RABGAP1L: variants seen among roughly 807,000 people sequenced by gnomAD.
RABGAP1L encodes the protein RAB GTPase activating protein 1 like, also known as rab GTPase-activating protein 1-like.
In RABGAP1L, 63 loss-of-function variants were observed where a neutral mutation model predicts 137.7. The observed-to-expected ratio is 0.46, with a 90% CI of 0.37 to 0.56. RABGAP1L has a LOEUF of 0.56. Among genes scored for constraint, RABGAP1L ranks in the 20% least tolerant of loss-of-function variants. RABGAP1L has a pLI of 0.00. For synonymous variants in RABGAP1L, 431 were observed against 433.7 expected (o/e 0.99, Z 0.08); for missense variants, 1,095 against 1,244.0 (o/e 0.88, Z 1.80).
intron 10 of RABGAP1L, among the ~76,000 whole-genome samples, chr1:174,279,890 A>T (rs909786714): frequency 1.3e-5 from 2 of 152,142 alleles, no homozygotes; most frequent in Non-Finnish European, 2.9e-5. Context: ...CCAAAGAATT[A>T]TTCATAGTTG....
intron 20 of RABGAP1L, among the ~76,000 whole-genome samples, chr1:174,966,638 T>C (rs1035576769): frequency 3.3e-5 from 5 of 152,224 alleles, no homozygotes; most frequent in Non-Finnish European, 5.9e-5. Context: ...TTTTTTAGTC[T>C]CCACATTTAT....
intron 7 of RABGAP1L, among the ~76,000 whole-genome samples, chr1:174,264,700 A>C (rs1571839378): frequency 6.6e-6 from 1 of 152,140 alleles, no homozygotes; most frequent in Non-Finnish European, 1.5e-5. Context: ...CTCACTCTAC[A>C]TCTAATTCTT....
At chr1:174,723,598 T>C (rs1329088118) in intron 17 of RABGAP1L, among the ~76,000 whole-genome samples, 1 of 152,208 alleles carries the variant, frequency 6.6e-6, no homozygotes. Flanking sequence ...TCGACACATG[T>C]ATTCAGTGTG....
intron 11 of RABGAP1L, among the ~76,000 whole-genome samples, chr1:174,337,794 G>T (rs1681613917): frequency 1.3e-5 from 2 of 152,246 alleles, no homozygotes; most frequent in African/African-American, 4.8e-5. Context: ...TGCCCTGGAA[G>T]AGGCTATATT....
In RABGAP1L at chr1:174,635,866, C is replaced by T. The variant is rs1172832619; in HGVS notation, c.1711-1509C>T. ...TACCTTAGAGCTAATCAACCACCCC[C>T]TTCTTGTATACTTCGCAGCTATCAA... On this transcript the variant is annotated intron_variant, in intron 13 of 25. Coordinates refer to ENST00000681986, the MANE Select transcript of RABGAP1L (RefSeq NM_001366446.1). Among the ~76,000 whole-genome samples, 3 of 152,246 alleles carry T rather than the reference C, an allele frequency of 2.0e-5. No homozygotes were observed. The East Asian group carries it at 5.8e-4, about 29-fold the overall frequency.
intron 19 of RABGAP1L, among the ~76,000 whole-genome samples, chr1:174,892,896 AT>A (rs748971722): frequency 0.2 from 18,427 of 92,146 alleles, 952 homozygotes; most frequent in African/African-American, 0.36. Context: ...CACCCAGCTA[AT>A]TTTTTTTTTT....
chr1:174,739,842 G>A (rs1315922167), intron 17 of RABGAP1L, among the ~76,000 whole-genome samples: 1 of 152,202 alleles, frequency 6.6e-6, no homozygotes, highest in African/African-American at 2.4e-5. Flanking sequence ...ATACTCAAAA[G>A]TGCTTTGCAG....
rs149810986 is a variant in RABGAP1L, at chr1:174,585,502, C to T, written c.1711-51873C>T. On this transcript the variant is annotated intron_variant, in intron 13 of 25. Transcript: ENST00000681986. ...GGGGTGGGACACCAGACTGGTAGGG[C>T]CCAGATCCAGTAGATTTGCTGAGGA... is the stretch of plus-strand genomic sequence containing the variant. Among the ~76,000 whole-genome samples the T allele has an allele frequency of 2.6e-5, 4 of 152,258 alleles. No homozygotes were observed. In the East Asian group the frequency reaches 7.7e-4, roughly 29 times the overall value.
intron 7 of RABGAP1L, among the ~76,000 whole-genome samples, chr1:174,258,670 C>T (rs1673320338): frequency 6.6e-6 from 1 of 152,134 alleles, no homozygotes; most frequent in East Asian, 1.9e-4. Context: ...GAAAGAAAAT[C>T]CTTCAAATTA....
At chr1:174,162,769 CTCTTTCTG>C (rs1664583138) in intron 1 of RABGAP1L, among the ~76,000 whole-genome samples, 1 of 45,304 alleles carries the variant, frequency 2.2e-5, no homozygotes, top group African/African-American at 8.3e-5. Flanking sequence ...TTTTTTTTTT[CTCTTTCTG>C]TTTTTTTTTT....
intron 3 of RABGAP1L, among the ~76,000 whole-genome samples, chr1:174,230,381 AAAACTT>A: frequency 6.6e-6 from 1 of 152,310 alleles, no homozygotes; most frequent in African/African-American, 2.4e-5. Flanking sequence ...CTTGTACCCT[AAAACTT>A]AAAGTATAGT....
intron 13 of RABGAP1L, among the ~76,000 whole-genome samples, chr1:174,597,683 C>A (rs761821183): frequency 9.2e-5 from 14 of 151,780 alleles, no homozygotes; most frequent in Non-Finnish European, 1.8e-4. Flanking sequence ...AAAAACTAAC[C>A]TTTTGTTAAT....
At chr1:174,394,224 C>A in intron 13 of RABGAP1L, 79 bp downstream of exon 13, 2 of 1,504,870 alleles carry the variant, frequency 1.3e-6, no homozygotes, top group South Asian at 1.3e-5. Context: ...TCCCATAAGT[C>A]ATAAATGCTT....
chr1:174,780,975 G>T (rs555229489), intron 18 of RABGAP1L, among the ~76,000 whole-genome samples: 4 of 152,002 alleles, frequency 2.6e-5, no homozygotes, highest in Admixed American at 1.3e-4. Context: ...ATCATTGTTG[G>T]ACATTTGGGT....
At chr1:174,812,573 G>A (rs1689976900) in intron 19 of RABGAP1L, among the ~76,000 whole-genome samples, 1 of 152,164 alleles carries the variant, frequency 6.6e-6, no homozygotes, top group South Asian at 2.1e-4. Context: ...ATATACCAGG[G>A]TATCTTTTTA....
At chr1:174,230,688 C>T (rs894715808) in intron 3 of RABGAP1L, among the ~76,000 whole-genome samples, 1 of 152,116 alleles carries the variant, frequency 6.6e-6, no homozygotes, top group African/African-American at 2.4e-5. Context: ...AAGGCTATGA[C>T]ACAGGGTTGT....
Position 174,729,627 on chromosome 1 carries a change from A to G in RABGAP1L, c.2170-22686A>G, listed in dbSNP as rs995049604. On this transcript the variant is annotated intron_variant, in intron 17 of 25. Transcript: ENST00000681986. ...GGAACTTAAACAGTTGAACAAGCAAAAAACAAATAACCCCATTTAAAAAAT... is the reference window on the plus strand; with the variant it reads ...GGAACTTAAACAGTTGAACAAGCAAGAAACAAATAACCCCATTTAAAAAAT... 7.2e-4 allele frequency among the ~76,000 whole-genome samples: 109 copies of G among 152,352 alleles called. 1 individual carries two copies. Among genetic ancestry groups the G allele is most frequent in the African/African-American group, 2.4e-3 (101 of 41,588 alleles).
At chr1:174,190,510 C>T (rs1027472750) in intron 1 of RABGAP1L, among the ~76,000 whole-genome samples, 11 of 152,058 alleles carry the variant, frequency 7.2e-5, no homozygotes, top group African/African-American at 2.2e-4. Context: ...TTTTCTTCTG[C>T]GGCTTCCTTA....
intron 18 of RABGAP1L, among the ~76,000 whole-genome samples, chr1:174,775,468 C>T (rs1338378195): frequency 6.6e-6 from 1 of 152,050 alleles, no homozygotes; most frequent in Non-Finnish European, 1.5e-5. Context: ...CAGACTCCAC[C>T]ACGCCTGGCT....
Sources: allele counts gnomAD v4.1 joint callset (sites outside exome capture counted in the v4.1 genomes callset), GRCh38; gene constraint gnomAD v4.1.1; transcripts MANE v1.5; gene names NCBI Gene and HGNC (gene_info 2026-07-23, HGNC 2026-07-21).